PIK3R3: variants seen among roughly 807,000 people sequenced by gnomAD.
PIK3R3 encodes the protein phosphatidylinositol 3-kinase regulatory subunit gamma.
In PIK3R3, 64 loss-of-function variants were observed where a neutral mutation model predicts 62.9. The observed-to-expected ratio is 1.02, with a 90% confidence interval of 0.83 to 1.25. The LOEUF is 1.25. Ranked by LOEUF, PIK3R3 falls within the 50% of genes most tolerant of loss-of-function variation. The probability of loss-of-function intolerance (pLI) is 0.00; values close to 1 mark genes in which losing one functional copy is unlikely to be tolerated. For synonymous variants in PIK3R3, 165 were observed against 189.0 expected (o/e 0.87, Z 1.04); for missense variants, 614 against 561.6 (o/e 1.09, Z -0.94).
chr1:46,173,755 G>T, the PIK3R3 span, among the ~76,000 whole-genome samples: 3 of 152,148 alleles, frequency 2.0e-5, no homozygotes, highest in Non-Finnish European at 4.4e-5. Flanking sequence ...TGGAAGAGAT[G>T]ATGTCATCTG....
chr1:46,046,840 T>C (rs545930266), intron 7 of PIK3R3: 5 of 558,116 alleles, frequency 9.0e-6, no homozygotes, highest in Middle Eastern at 9.2e-4. Context: ...GGCAGAAACA[T>C]AGAGGGCTAC....
chr1:46,045,948 C>T lies in PIK3R3; in HGVS notation c.1157G>A (p.Ser386Asn). 6.2e-7 allele frequency: 1 copy of T among 1,613,584 alleles called. No homozygotes were observed. Among genetic ancestry groups the T allele is most frequent in the Non-Finnish European group, 8.5e-7 (1 of 1,179,782 alleles). ...PDGAFLIRES[S>N]KKGCYACSVV... ...AGAGCAAGCATAGCATCCTTTCTTG[C>T]TACTCTCACGAATTAAGAATGCACC... Residue 386 changes from serine (S) to asparagine (N), a missense_variant, in exon 9 of 10, where the codon AGC (serine) becomes AAC (asparagine). Ser to Asn is a conservative substitution (Grantham distance 46). Coordinates refer to ENST00000262741, the MANE Select transcript of PIK3R3 (RefSeq NM_003629.4).
chr1:46,107,191 A>C (rs1393114215), intron 1 of PIK3R3, among the ~76,000 whole-genome samples: 2 of 152,138 alleles, frequency 1.3e-5, no homozygotes, highest in African/African-American at 2.4e-5. Context: ...GCCTACTAAA[A>C]ATACAAAAAT....
At chr1:46,069,166 G>A (rs1649272298) in intron 3 of PIK3R3, among the ~76,000 whole-genome samples, 1 of 152,088 alleles carries the variant, frequency 6.6e-6, no homozygotes, top group Admixed American at 6.6e-5. Flanking sequence ...CAAGGTTTTT[G>A]TCATAAGCAA....
intron 3 of PIK3R3, among the ~76,000 whole-genome samples, chr1:46,071,327 C>T (rs2149401779): frequency 1.3e-5 from 2 of 152,140 alleles, no homozygotes; most frequent in South Asian, 4.2e-4. Flanking sequence ...TGGTCCTGTA[C>T]TCTCTCCTAA....
At chr1:46,125,765 T>C (rs953471943) in intron 1 of PIK3R3, among the ~76,000 whole-genome samples, 3 of 152,094 alleles carry the variant, frequency 2.0e-5, no homozygotes, top group South Asian at 2.1e-4. Context: ...GAGTTTCTTT[T>C]TTTTTTTTTT....
chr1:46,131,998 A>AT lies in PIK3R3; in HGVS notation c.-47dup. On this transcript the variant is annotated 5_prime_UTR_variant, in exon 1 of 10. Transcript: ENST00000262741. ...GCCAGGAGATATATAGAAGGCATAT[A>AT]TTTTTTATCTGGTATTTAAAAATCT... 1 of 1,590,454 alleles carries AT rather than the reference A, an allele frequency of 6.3e-7. No homozygotes were observed. Among genetic ancestry groups the AT allele is most frequent in the Non-Finnish European group, 8.5e-7 (1 of 1,173,140 alleles).
At position 46,046,627 on chromosome 1, in the gene PIK3R3, T is replaced by C; in HGVS notation, c.942-2A>G. ...CTCACTCCTTTGTGATTGAGCCATC[T>C]GCCAGAGGAAAGACACCAGTGTCAG... is the stretch of plus-strand genomic sequence containing the variant. On this transcript the variant is annotated splice_acceptor_variant, in intron 7 of 9. Transcript: ENST00000262741. LOFTEE classifies it high-confidence loss of function. 6.2e-7 allele frequency: 1 copy of C among 1,610,246 alleles called. No individual in the cohort carries two copies. The highest frequency in any genetic ancestry group is 1.1e-5 in the South Asian group (1 of 90,998).
the PIK3R3 span, among the ~76,000 whole-genome samples, chr1:46,164,666 G>GC: frequency 6.6e-6 from 1 of 151,966 alleles, no homozygotes; most frequent in South Asian, 2.1e-4. Context: ...ATAACTCCAA[G>GC]CCCCCCACCT....
chr1:46,144,023 C>A, the PIK3R3 span, among the ~76,000 whole-genome samples: 1 of 152,248 alleles, frequency 6.6e-6, no homozygotes, highest in East Asian at 1.9e-4. Context: ...ATGATGTCCC[C>A]CTTCTCAATT....
chr1:46,148,608 A>ACCCTT, the PIK3R3 span, among the ~76,000 whole-genome samples: 1 of 152,198 alleles, frequency 6.6e-6, no homozygotes, highest in African/African-American at 2.4e-5. Context: ...CCTTGGAAGC[A>ACCCTT]GAGTGCAGGG....
At chr1:46,080,877 T>G (rs1347452036) in intron 1 of PIK3R3, 127 bp from the exon 2 acceptor site, 2 of 624,886 alleles carry the variant, frequency 3.2e-6, no homozygotes, top group Non-Finnish European at 5.6e-6. Context: ...GAGTATTATT[T>G]TATGTTAAAT....
the PIK3R3 span, among the ~76,000 whole-genome samples, chr1:46,161,933 A>T: frequency 4.0e-5 from 6 of 151,334 alleles, no homozygotes; most frequent in East Asian, 9.9e-4. Flanking sequence ...TCTACTAAAA[A>T]TACAAAAAAT....
intron 6 of PIK3R3, among the ~76,000 whole-genome samples, chr1:46,059,360 A>G (rs1344881483): frequency 6.6e-6 from 1 of 152,246 alleles, no homozygotes; most frequent in African/African-American, 2.4e-5. Flanking sequence ...TAAATGTGAC[A>G]ATACATGTAA....
At chr1:46,144,766 CA>C in the PIK3R3 span, among the ~76,000 whole-genome samples, 24,385 of 104,868 alleles carry the variant, frequency 0.23, 2,195 homozygotes, top group East Asian at 0.31. Context: ...GACTCCATCT[CA>C]AAAAAAAAAA....
intron 1 of PIK3R3, among the ~76,000 whole-genome samples, chr1:46,115,838 G>A (rs1304039316): frequency 1.3e-5 from 2 of 152,098 alleles, no homozygotes; most frequent in African/African-American, 2.4e-5. Flanking sequence ...TTGCTCTCTT[G>A]GTTCCTGGCC....
At chr1:46,148,842 G>T in the PIK3R3 span, among the ~76,000 whole-genome samples, 2 of 151,616 alleles carry the variant, frequency 1.3e-5, no homozygotes, top group African/African-American at 4.8e-5. Context: ...AATGATAAAT[G>T]ACTTTCTCCA....
At chr1:46,045,455 C>G (rs188905083) in intron 9 of PIK3R3, among the ~76,000 whole-genome samples, 21 of 152,022 alleles carry the variant, frequency 1.4e-4, no homozygotes, top group African/African-American at 4.8e-4. Flanking sequence ...ATGGAAAACA[C>G]GCCCACATTT....
At chr1:46,119,648 T>G (rs1571551531) in intron 1 of PIK3R3, among the ~76,000 whole-genome samples, 1 of 151,772 alleles carries the variant, frequency 6.6e-6, no homozygotes, top group Admixed American at 6.6e-5. Context: ...CATTTTTTTG[T>G]TTTTTTTGAG....
Sources: allele counts gnomAD v4.1 joint callset (sites outside exome capture counted in the v4.1 genomes callset), GRCh38; gene constraint gnomAD v4.1.1; transcripts MANE v1.5; gene names NCBI Gene and HGNC (gene_info 2026-07-23, HGNC 2026-07-21).